Variants in SLCO2A1 observed in about 807,000 individuals in gnomAD.
SLCO2A1 encodes the protein matrin F/G 1.
Under a neutral mutation model 71.7 loss-of-function variants are expected in SLCO2A1, and 60 were observed. The observed-to-expected ratio is 0.84, with a 90% confidence interval of 0.68 to 1.04. The LOEUF is 1.04. Ranked by LOEUF, SLCO2A1 falls within the 50% of genes least tolerant of loss-of-function variation. The probability of loss-of-function intolerance (pLI) is 0.00; values close to 1 mark genes in which losing one functional copy is unlikely to be tolerated. For synonymous variants in SLCO2A1, 308 were observed against 326.7 expected (o/e 0.94, Z 0.62); for missense variants, 745 against 813.4 (o/e 0.92, Z 1.02).
intron 9 of SLCO2A1, 24 bp from the exon 10 acceptor site, chr3:133,945,284 G>A: frequency 6.3e-7 from 1 of 1,589,892 alleles, no homozygotes; most frequent in Admixed American, 1.8e-5. Flanking sequence ...AGGAAACGGG[G>A]AATCAAACAA....
intron 1 of SLCO2A1, among the ~76,000 whole-genome samples, chr3:133,980,005 C>T (rs965317649): frequency 1.3e-5 from 2 of 152,136 alleles, no homozygotes; most frequent in Non-Finnish European, 2.9e-5. Context: ...ATCTGCCCTC[C>T]TCCTGTGCCC....
In SLCO2A1 at chr3:133,993,484, A is replaced by G. The variant is rs373741774; in HGVS notation, c.97-13866T>C. Among the ~76,000 whole-genome samples, 15 of 152,388 alleles carry G rather than the reference A, an allele frequency of 9.8e-5. No individual in the cohort carries two copies. In the East Asian group the frequency reaches 2.9e-3, roughly 29 times the overall value. Reference sequence around the variant, plus strand: ...GGGCTTTAGATACCACAGATTGAAAAAAAATTCTGGAAGAGATGAAACATA... The same window carrying G: ...GGGCTTTAGATACCACAGATTGAAAGAAAATTCTGGAAGAGATGAAACATA... On this transcript the variant is annotated intron_variant, in intron 1 of 13. Transcript: ENST00000310926.
chr3:134,026,502 A>G (rs1480500835), intron 1 of SLCO2A1, among the ~76,000 whole-genome samples: 1 of 152,140 alleles, frequency 6.6e-6, no homozygotes. Context: ...CGAAAAGAGA[A>G]GCATAGCTAT....
chr3:133,942,184 GA>G (rs1933442002), intron 11 of SLCO2A1: 1 of 153,316 alleles, frequency 6.5e-6, no homozygotes, highest in South Asian at 2.1e-4. Flanking sequence ...AGAAGAGACG[GA>G]GTTTTGCCAT....
In SLCO2A1 at chr3:133,979,496, A is replaced by C. The variant is rs1232064001; in HGVS notation, c.219T>G (p.Ile73Met). 1 of 1,614,182 alleles carries C rather than the reference A, an allele frequency of 6.2e-7. No individual in the cohort carries two copies. The highest frequency in any genetic ancestry group is 8.5e-7 in the Non-Finnish European group (1 of 1,180,020). ...TCCTGCTCACCTCATTCAAGCTGGAAATGAGACCCGATGAAGAACTGGAGA... is the reference window on the plus strand; with the variant it reads ...TCCTGCTCACCTCATTCAAGCTGGACATGAGACCCGATGAAGAACTGGAGA... ...FGLSSSSSGL[I>M]SSLNEISNAI... Residue 73 changes from isoleucine (I) to methionine (M), a missense_variant, in exon 2 of 14, where the codon ATT becomes ATG. Physicochemically the swap from Ile to Met is conservative, Grantham distance 10. Coordinates refer to ENST00000310926, the MANE Select transcript of SLCO2A1 (RefSeq NM_005630.3).
intron 1 of SLCO2A1, among the ~76,000 whole-genome samples, chr3:134,028,145 C>G (rs1935736298): frequency 6.6e-6 from 1 of 152,180 alleles, no homozygotes; most frequent in Non-Finnish European, 1.5e-5. Context: ...ACGGATCAGT[C>G]TCATTCAGCT....
intron 3 of SLCO2A1, 143 bp from the exon 4 acceptor site, chr3:133,955,336 C>T (rs1476610094): frequency 1.6e-6 from 1 of 632,684 alleles, no homozygotes; most frequent in East Asian, 2.8e-5. Flanking sequence ...GACATGGTTC[C>T]TGAGGACCGC....
At chr3:133,981,633 C>T (rs1045332151) in intron 1 of SLCO2A1, among the ~76,000 whole-genome samples, 1 of 152,182 alleles carries the variant, frequency 6.6e-6, no homozygotes, top group Non-Finnish European at 1.5e-5. Context: ...CTAGAAGACT[C>T]TTTCTGGCTC....
intron 3 of SLCO2A1, among the ~76,000 whole-genome samples, chr3:133,967,708 C>T (rs962607725): frequency 2.0e-5 from 3 of 151,938 alleles, no homozygotes; most frequent in East Asian, 1.9e-4. Flanking sequence ...TGCTCCACCC[C>T]GCCCTCCACC....
At chr3:133,973,545 T>C in intron 3 of SLCO2A1, 118 bp downstream of exon 3, 1 of 1,100,392 alleles carries the variant, frequency 9.1e-7, no homozygotes, top group Non-Finnish European at 1.3e-6. Flanking sequence ...CAGTATAGTC[T>C]GAGCTTCATA....
intron 9 of SLCO2A1, among the ~76,000 whole-genome samples, chr3:133,946,946 C>T (rs1576428559): frequency 6.6e-6 from 1 of 151,932 alleles, no homozygotes; most frequent in East Asian, 1.9e-4. Flanking sequence ...GAAACCCCGC[C>T]TCAACTAAAA....
intron 1 of SLCO2A1, among the ~76,000 whole-genome samples, chr3:133,991,580 C>G (rs1416355985): frequency 6.6e-6 from 1 of 151,766 alleles, no homozygotes; most frequent in East Asian, 1.9e-4. Context: ...TAGAAAAAGC[C>G]TTTGATAAGA....
At chr3:134,025,120 C>T (rs1035464439) in intron 1 of SLCO2A1, among the ~76,000 whole-genome samples, 3 of 152,092 alleles carry the variant, frequency 2.0e-5, no homozygotes, top group Admixed American at 6.5e-5. Context: ...AAACTCATTG[C>T]GGGACTCATT....
chr3:134,008,978 T>G (rs988740582), intron 1 of SLCO2A1, among the ~76,000 whole-genome samples: 1 of 152,222 alleles, frequency 6.6e-6, no homozygotes, highest in Admixed American at 6.5e-5. Context: ...CCCATCCTCT[T>G]GGCTGCAATC....
intron 3 of SLCO2A1, among the ~76,000 whole-genome samples, chr3:133,956,663 A>G (rs1933905876): frequency 6.6e-6 from 1 of 152,226 alleles, no homozygotes; most frequent in African/African-American, 2.4e-5. Flanking sequence ...CAGAATTCAA[A>G]TAGAGTGGCC....
chr3:134,026,584 C>A (rs910191045), intron 1 of SLCO2A1, among the ~76,000 whole-genome samples: 2 of 152,054 alleles, frequency 1.3e-5, no homozygotes, highest in East Asian at 3.8e-4. Context: ...AGGCACAAGA[C>A]GGCTTGTGAG....
At chr3:133,993,352 G>T (rs7636169) in intron 1 of SLCO2A1, among the ~76,000 whole-genome samples, 100,574 of 152,160 alleles carry the variant, frequency 0.66, 33,594 homozygotes, top group South Asian at 0.75. Flanking sequence ...CAAAGCTCAG[G>T]AGTAGGAATG....
chr3:133,945,580 A>C (rs1229541041), intron 9 of SLCO2A1, among the ~76,000 whole-genome samples: 3 of 152,158 alleles, frequency 2.0e-5, no homozygotes, highest in Non-Finnish European at 4.4e-5. Flanking sequence ...GGGCAGCTGC[A>C]ATGGGCAGGT....
chr3:133,985,226 AC>A (rs1338205182), intron 1 of SLCO2A1, among the ~76,000 whole-genome samples: 1 of 152,222 alleles, frequency 6.6e-6, no homozygotes, highest in Non-Finnish European at 1.5e-5. Flanking sequence ...AACATAACGT[AC>A]TACAATCCTC....
Sources: gnomAD v4.1 joint callset for allele counts (sites outside exome capture counted in the v4.1 genomes callset) on GRCh38, gnomAD v4.1.1 for gene constraint, MANE v1.5 for transcripts, NCBI Gene and HGNC (gene_info 2026-07-23, HGNC 2026-07-21) for gene names.